Variants in DZIP1L observed in about 807,000 individuals in gnomAD.
The protein encoded by DZIP1L is DAZ interacting zinc finger protein 1 like, also known as cilium assembly protein DZIP1L.
DZIP1L carries 90 observed loss-of-function variants against 88.7 expected under a neutral mutation model. The ratio of observed to expected loss-of-function variants is 1.02; its 90% CI spans 0.86 to 1.21. The LOEUF (loss-of-function observed/expected upper bound fraction) is 1.21. Among genes scored for constraint, DZIP1L ranks in the 50% most tolerant of loss-of-function variants. The probability of loss-of-function intolerance (pLI) is 0.00; values close to 1 mark genes in which losing one functional copy is unlikely to be tolerated. For synonymous variants in DZIP1L, 363 were observed against 372.1 expected, an observed-to-expected ratio of 0.98 and a Z score of 0.28; for missense variants, 932 against 955.8, an observed-to-expected ratio of 0.98 and a Z score of 0.33.
Position 138,068,249 on chromosome 3 carries a change from G to T in DZIP1L, c.1734C>A (p.Gly578=), listed in dbSNP as rs569691381. 24 of 1,596,678 alleles carry T rather than the reference G, an allele frequency of 1.5e-5. No individual in the cohort carries two copies. In the East Asian group the frequency reaches 4.6e-4, roughly 30 times the overall value. ...CCTGGGTCAGGCTGGAGCCATGGCT[G>T]CCATGGCTCTGACGAGTTGGTGGGG... is the stretch of plus-strand genomic sequence containing the variant. ...EPPPPTRQSH[G]SHGSSLTQVS... The change falls in exon 13 of 16, where the codon GGC becomes GGA. Residue 578 remains glycine, a synonymous_variant. Transcript: ENST00000327532.
Position 138,080,574 on chromosome 3 carries a change from T to C in DZIP1L, c.1281A>G (p.Pro427=), listed in dbSNP as rs369312454. The change falls in exon 10 of 16, where the codon CCA becomes CCG. Residue 427 remains proline (P), a synonymous_variant. Transcript: ENST00000327532. ...PKAVDTEEDS[P]EEEMEDSQDE... The stretch of plus-strand genomic sequence containing the variant: ...AAGAAAGTAAGGTCCCACCTTCCTC[T>C]GGAGAGTCCTCCTCTGTGTCCACAG... The C allele has an allele frequency of 1.6e-4, 254 of 1,613,872 alleles. No individual in the cohort carries two copies. The highest frequency in any genetic ancestry group is 2.0e-4 in the Admixed American group (12 of 60,022).
chr3:138,112,834 C>T (rs1218447162), intron 1 of DZIP1L, among the ~76,000 whole-genome samples: 1 of 152,160 alleles, frequency 6.6e-6, no homozygotes, highest in Non-Finnish European at 1.5e-5. Flanking sequence ...GTAGTCCCAG[C>T]TACTCGGGAG....
chr3:138,073,822 A>G (rs1275864084), intron 11 of DZIP1L, among the ~76,000 whole-genome samples: 1 of 152,168 alleles, frequency 6.6e-6, no homozygotes, highest in Admixed American at 6.5e-5. Context: ...ATGTTATACA[A>G]GAGATGAAAG....
intron 12 of DZIP1L, among the ~76,000 whole-genome samples, chr3:138,071,106 C>T (rs1023509335): frequency 1.3e-5 from 2 of 152,188 alleles, no homozygotes; most frequent in Admixed American, 6.5e-5. Flanking sequence ...AATTCATCTG[C>T]GTGCAGAACT....
At chr3:138,080,403 G>T in intron 10 of DZIP1L, 164 bp downstream of exon 10, 1 of 642,980 alleles carries the variant, frequency 1.6e-6, no homozygotes, top group Non-Finnish European at 2.6e-6. Flanking sequence ...CATGTCACAT[G>T]CCTGGCACAC....
chr3:138,092,281 G>A (rs1944274010), intron 5 of DZIP1L, 102 bp downstream of exon 5: 7 of 1,301,338 alleles, frequency 5.4e-6, no homozygotes, highest in South Asian at 3.9e-5. Context: ...CAGTGTTTTA[G>A]CTTCCAACAG....
chr3:138,101,489 G>T, intron 2 of DZIP1L: 9 of 774,970 alleles, frequency 1.2e-5, no homozygotes, highest in Non-Finnish European at 1.8e-5. Flanking sequence ...CACTTGGGCA[G>T]GACGTCAGAG....
intron 11 of DZIP1L, among the ~76,000 whole-genome samples, chr3:138,072,833 C>T (rs867033274): frequency 6.6e-5 from 10 of 152,236 alleles, no homozygotes; most frequent in Middle Eastern, 3.4e-3. Flanking sequence ...GGGCACAGTG[C>T]GAGTGAGACC....
rs1944547616 is a variant in DZIP1L, at chr3:138,097,749, C to T, written c.586+14G>A. 1 of 1,605,534 alleles carries T rather than the reference C, an allele frequency of 6.2e-7. No homozygotes were observed. Among genetic ancestry groups the T allele is most frequent in the African/African-American group, 1.3e-5 (1 of 74,944 alleles). On this transcript the variant is annotated intron_variant, in intron 3 of 15. Transcript: ENST00000327532. ...ACAGTCCCAGAAGGGGCCCGGGCTG[C>T]TGTCTGGACTCACCACCTTCTGCCA...
At chr3:138,097,355 T>C (rs1159236979) in intron 3 of DZIP1L, among the ~76,000 whole-genome samples, 1 of 152,164 alleles carries the variant, frequency 6.6e-6, no homozygotes, top group African/African-American at 2.4e-5. Flanking sequence ...TGACTGCCCA[T>C]TCACCCCATT....
In DZIP1L at chr3:138,088,360, G is replaced by A. The variant is rs1944044429; in HGVS notation, c.999+19C>T. 2 of 1,602,688 alleles carry A rather than the reference G, an allele frequency of 1.2e-6. No individual in the cohort carries two copies. Among genetic ancestry groups the A allele is most frequent in the Admixed American group, 1.7e-5 (1 of 58,568 alleles). On this transcript the variant is annotated intron_variant, in intron 6 of 15. Transcript: ENST00000327532. ...CTCTTGGCTTCCTCTGGGAAGAAAG[G>A]CATGGAGCATCAGCTCACCTGAATT...
At chr3:138,093,194 T>TAAC (rs1559850012) in intron 4 of DZIP1L, among the ~76,000 whole-genome samples, 1 of 152,264 alleles carries the variant, frequency 6.6e-6, no homozygotes, top group Non-Finnish European at 1.5e-5. Flanking sequence ...GATATTGTGT[T>TAAC]AACAGGCTTG....
At position 138,068,158 on chromosome 3, in the gene DZIP1L, C is replaced by A. The variant is rs532478266; in HGVS notation, c.1825G>T (p.Gly609Trp). ...PSSTPPSSGP[G>W]MSTPPFSSEE... ...GCAGAGTCTGGGGCTCACCTCATCC[C>A]GGGCCCCGAGGAAGGAGGGGTGCTG... The change falls in exon 13 of 16, where the codon GGG becomes TGG. Residue 609 changes from glycine to tryptophan, a missense_variant. By Grantham distance (184) the Gly-to-Trp change is radical. Coordinates refer to ENST00000327532, the MANE Select transcript of DZIP1L (RefSeq NM_173543.3). The A allele has an allele frequency of 3.3e-6, 5 of 1,504,024 alleles. No homozygotes were observed. In the East Asian group the frequency reaches 7.3e-5, roughly 22 times the overall value. 93.2% of individuals were successfully genotyped at this position (1,504,024 alleles called of 1,614,324 possible).
chr3:138,081,399 C>T (rs988419517), intron 9 of DZIP1L, among the ~76,000 whole-genome samples: 4 of 152,156 alleles, frequency 2.6e-5, no homozygotes, highest in African/African-American at 9.7e-5. Context: ...TTGCTGGCAA[C>T]CCTGAATCCT....
chr3:138,097,894 G>GTCAGCCT lies in DZIP1L; in HGVS notation c.502-54_502-48dup, dbSNP rs752132008. ...GGGAGTACAAGATTAGGTCACCTGA[G>GTCAGCCT]TCAGCCTGGGATTTTCCCTATATCA... is the stretch of plus-strand genomic sequence containing the variant. On this transcript the variant is annotated intron_variant, in intron 2 of 15. Transcript: ENST00000327532. The GTCAGCCT allele has an allele frequency of 2.0e-6, 3 of 1,535,066 alleles. No homozygotes were observed. The East Asian group carries it at 6.9e-5, about 35-fold the overall frequency.
intron 12 of DZIP1L, among the ~76,000 whole-genome samples, chr3:138,070,945 C>T (rs76937608): frequency 2.0e-5 from 3 of 152,338 alleles, no homozygotes; most frequent in African/African-American, 7.2e-5. Flanking sequence ...AATACACTTG[C>T]TCCGTAAGAA....
chr3:138,097,741 C>G, intron 3 of DZIP1L, 22 bp downstream of exon 3: 1 of 1,597,476 alleles, frequency 6.3e-7, no homozygotes, highest in Non-Finnish European at 8.5e-7. Flanking sequence ...CAGAAGGGGC[C>G]CGGGCTGCTG....
chr3:138,088,500 C>A lies in DZIP1L; in HGVS notation c.878G>T (p.Arg293Leu), dbSNP rs201374783. Residue 293 changes from arginine (R) to leucine (L), a missense_variant, in exon 6 of 16, where the codon CGG (arginine) becomes CTG (leucine). Coordinates refer to ENST00000327532, the MANE Select transcript of DZIP1L (RefSeq NM_173543.3). ...CATCACACTGTGGGACTGCAGTGCC[C>A]GCAGTTTCTGAAAAGGCCAGGGCAT... ...KQNSTLEEKLRALQSHSVMES... is the reference protein window; with the variant it reads ...KQNSTLEEKLLALQSHSVMES... 1 of 1,612,874 alleles carries A rather than the reference C, an allele frequency of 6.2e-7. No individual in the cohort carries two copies. The highest frequency in any genetic ancestry group is 1.7e-5 in the Admixed American group (1 of 59,826).
Position 138,080,513 on chromosome 3 carries a change from G to A in DZIP1L, c.1288+54C>T, listed in dbSNP as rs950709728. The A allele has an allele frequency of 5.7e-5, 91 of 1,591,742 alleles. No individual in the cohort carries two copies. In the South Asian group the frequency reaches 6.1e-4, roughly 11 times the overall value. On this transcript the variant is annotated intron_variant, in intron 10 of 15. Transcript: ENST00000327532. ...GTAGAGACAAACTAAACAAGGAGGA[G>A]GGCAGCAAATCTGTTTCTGCACTGG...
Sources: allele counts gnomAD v4.1 joint callset (sites outside exome capture counted in the v4.1 genomes callset), GRCh38; gene constraint gnomAD v4.1.1; transcripts MANE v1.5; gene names NCBI Gene and HGNC (gene_info 2026-07-23, HGNC 2026-07-21).